The following CDK6 variants were observed in gnomAD, a reference collection of about 807,000 sequenced individuals.
CDK6 encodes cyclin-dependent kinase 6.
Under a neutral mutation model 37.1 loss-of-function variants are expected in CDK6, and 6 were observed. The ratio of observed to expected loss-of-function variants is 0.16; its 90% CI spans 0.09 to 0.32. The LOEUF (loss-of-function observed/expected upper bound fraction) is 0.32, where lower values mean the gene tolerates loss of function less well. CDK6 is among the 10% of genes least tolerant of loss of function. CDK6 has a pLI of 1.00. For synonymous variants in CDK6, 160 were observed against 161.3 expected, an observed-to-expected ratio of 0.99 and a Z score of 0.06; for missense variants, 224 against 418.9, an observed-to-expected ratio of 0.53 and a Z score of 4.06.
chr7:92,756,159 T>C (rs563838976), intron 3 of CDK6, among the ~76,000 whole-genome samples: 2 of 134,212 alleles, frequency 1.5e-5, no homozygotes, highest in East Asian at 2.2e-4. Context: ...TGTAAAATTG[T>C]AAAAAAAAAA....
At chr7:92,757,632 T>C (rs1799347775) in intron 3 of CDK6, among the ~76,000 whole-genome samples, 1 of 152,210 alleles carries the variant, frequency 6.6e-6, no homozygotes, top group African/African-American at 2.4e-5. Flanking sequence ...CATGTGTCTT[T>C]ATGGTAGAAT....
At chr7:92,627,432 C>T (rs1208942058) in intron 5 of CDK6, among the ~76,000 whole-genome samples, 7 of 151,924 alleles carry the variant, frequency 4.6e-5, no homozygotes, top group Non-Finnish European at 1.0e-4. Context: ...GGCATTAGTG[C>T]CCTTATAAGA....
At chr7:92,792,946 G>A (rs1234504848) in intron 2 of CDK6, among the ~76,000 whole-genome samples, 3 of 151,566 alleles carry the variant, frequency 2.0e-5, no homozygotes, top group Admixed American at 1.3e-4. Context: ...TCAGAGAGGT[G>A]AGCAAGAAAA....
chr7:92,688,879 T>G (rs1797532499), intron 4 of CDK6, among the ~76,000 whole-genome samples: 1 of 152,096 alleles, frequency 6.6e-6, no homozygotes, highest in East Asian at 1.9e-4. Context: ...GCAGTCACAT[T>G]TCCATTTGTT....
intron 3 of CDK6, among the ~76,000 whole-genome samples, chr7:92,765,620 T>C (rs923892621): frequency 4.3e-4 from 66 of 152,162 alleles, no homozygotes; most frequent in African/African-American, 1.5e-3. Context: ...CTGAGTTAAT[T>C]AGAAGATAAA....
rs997170991 is a variant in CDK6, at chr7:92,613,994, A to G, written c.*1146T>C. On this transcript the variant is annotated 3_prime_UTR_variant, in exon 8 of 8. Transcript: ENST00000424848. ...CTGTTATTAGTTATACAATGGTAGC[A>G]ATATATTTCAGAAGTGCCGGGAGAT... is the stretch of plus-strand genomic sequence containing the variant. 1.3e-5 allele frequency: 3 copies of G among 233,216 alleles called. No homozygotes were observed. Among genetic ancestry groups the G allele is most frequent in the Non-Finnish European group, 2.5e-5 (3 of 117,996 alleles). The allele number at this position is 233,216 out of a possible 1,614,324, so 14.4% of individuals were successfully genotyped here.
chr7:92,832,714 T>C (rs562134883), intron 2 of CDK6, among the ~76,000 whole-genome samples: 5 of 152,204 alleles, frequency 3.3e-5, no homozygotes, highest in African/African-American at 9.6e-5. Flanking sequence ...CCCAACGGCA[T>C]GGCCACGAAA....
intron 5 of CDK6, among the ~76,000 whole-genome samples, chr7:92,632,953 T>C (rs1796087407): frequency 7.3e-6 from 1 of 137,044 alleles, no homozygotes; most frequent in Non-Finnish European, 1.7e-5. Flanking sequence ...TTTTTTTTTT[T>C]TTTCCAAACA....
At chr7:92,738,072 G>A (rs2115616450) in intron 3 of CDK6, among the ~76,000 whole-genome samples, 1 of 152,236 alleles carries the variant, frequency 6.6e-6, no homozygotes, top group Non-Finnish European at 1.5e-5. Flanking sequence ...GTTGTTGCAA[G>A]GACTGACTTT....
intron 5 of CDK6, among the ~76,000 whole-genome samples, chr7:92,624,787 G>A (rs2116498325): frequency 6.6e-6 from 1 of 152,160 alleles, no homozygotes; most frequent in African/African-American, 2.4e-5. Context: ...GTTGTATCTG[G>A]CCTAGTGCCA....
chr7:92,822,691 C>A (rs554114991), intron 2 of CDK6, among the ~76,000 whole-genome samples: 1 of 152,186 alleles, frequency 6.6e-6, no homozygotes, highest in African/African-American at 2.4e-5. Context: ...GAGTGCTAGG[C>A]ACACGGGGCA....
rs750899325 is a variant in CDK6 at position 92,835,731 on chromosome 7, C to G, written c.-368+747G>C. On this transcript the variant is annotated intron_variant, in intron 1 of 7. Transcript: ENST00000424848. The surrounding 1 kb of genome is among the most constrained non-coding windows in gnomAD (Gnocchi z 4.2). Reference sequence around the variant, plus strand: ...CGACAAGAGGCCACACCGGGGACCGCGACTCCCGCGTGTGCGCACACGCAG... The same window carrying G: ...CGACAAGAGGCCACACCGGGGACCGGGACTCCCGCGTGTGCGCACACGCAG... Among the ~76,000 whole-genome samples, 1 of 152,244 alleles carries G rather than the reference C, an allele frequency of 6.6e-6. No individual in the cohort carries two copies. The highest frequency in any genetic ancestry group is 1.5e-5 in the Non-Finnish European group (1 of 68,038).
intron 3 of CDK6, among the ~76,000 whole-genome samples, chr7:92,746,148 A>C (rs1188201755): frequency 6.6e-6 from 1 of 152,194 alleles, no homozygotes; most frequent in Non-Finnish European, 1.5e-5. Flanking sequence ...ATAGCAGTCT[A>C]TTCAGCCATC....
At position 92,833,385 on chromosome 7, in the gene CDK6, T is replaced by C; in HGVS notation, c.-62A>G. 1 of 1,206,912 alleles carries C rather than the reference T, an allele frequency of 8.3e-7. No individual in the cohort carries two copies. The highest frequency in any genetic ancestry group is 1.1e-6 in the Non-Finnish European group (1 of 879,016). 74.8% of individuals were successfully genotyped at this position (1,206,912 alleles called of 1,614,324 possible). On this transcript the variant is annotated 5_prime_UTR_variant, in exon 2 of 8. Transcript: ENST00000424848. The surrounding 1 kb of genome is among the most constrained non-coding windows in gnomAD (Gnocchi z 6.1). ...CGGGCGGGGGGTGCGCTCAACTAGC[T>C]GGCGGCCGCCGCTCGCCTACTCCGG...
chr7:92,733,573 T>C (rs551639126), intron 3 of CDK6, among the ~76,000 whole-genome samples: 5 of 152,228 alleles, frequency 3.3e-5, no homozygotes, highest in Non-Finnish European at 5.9e-5. Flanking sequence ...GCAATGTAGA[T>C]CTACAGCTTA....
chr7:92,821,061 C>T (rs1369618991), intron 2 of CDK6, among the ~76,000 whole-genome samples: 1 of 151,996 alleles, frequency 6.6e-6, no homozygotes. Context: ...GGGCTTTGAA[C>T]TCAAATATAA....
chr7:92,824,605 T>A (rs1213265635), intron 2 of CDK6, among the ~76,000 whole-genome samples: 1 of 152,118 alleles, frequency 6.6e-6, no homozygotes, highest in Non-Finnish European at 1.5e-5. Flanking sequence ...ATAAACTCAA[T>A]ACACATCTTT....
chr7:92,791,883 T>C (rs1311612812), intron 2 of CDK6, among the ~76,000 whole-genome samples: 3 of 151,918 alleles, frequency 2.0e-5, no homozygotes, highest in South Asian at 2.1e-4. Context: ...TCTTGGAAAA[T>C]GGCAAGAGAA....
chr7:92,819,988 A>C (rs150792339), intron 2 of CDK6, among the ~76,000 whole-genome samples: 1 of 152,008 alleles, frequency 6.6e-6, no homozygotes, highest in African/African-American at 2.4e-5. Flanking sequence ...GCAGCCATTA[A>C]AAAAAATAAA....
Sources: gnomAD v4.1 joint callset for allele counts (sites outside exome capture counted in the v4.1 genomes callset) on GRCh38, gnomAD v4.1.1 for gene constraint, Gnocchi (gnomAD v3.1) non-coding constraint, MANE v1.5 for transcripts, NCBI Gene and HGNC (gene_info 2026-07-23, HGNC 2026-07-21) for gene names.